CELF2: variants seen among roughly 807,000 people sequenced by gnomAD.
CELF2 encodes CUGBP Elav-like family member 2.
In CELF2, 8 loss-of-function variants were observed where a neutral mutation model predicts 62.6. The observed-to-expected ratio is 0.13, with a 90% CI of 0.07 to 0.23. CELF2 has a LOEUF of 0.23. Among genes scored for constraint, CELF2 ranks in the 10% least tolerant of loss-of-function variants. CELF2 has a pLI of 1.00. For missense variants in CELF2, 333 were observed against 671.0 expected, an observed-to-expected ratio of 0.50 and a Z score of 5.56; for synonymous variants, 258 against 250.0, an observed-to-expected ratio of 1.03 and a Z score of -0.30.
chr10:10,912,072 A>G (rs1422243018), intron 1 of CELF2, among the ~76,000 whole-genome samples: 2 of 152,238 alleles, frequency 1.3e-5, no homozygotes, highest in Non-Finnish European at 2.9e-5. Flanking sequence ...TTCATACAGC[A>G]GGTACCCCGT....
chr10:10,965,630 A>G (rs1267910157), intron 2 of CELF2, among the ~76,000 whole-genome samples: 1 of 152,164 alleles, frequency 6.6e-6, no homozygotes, highest in Admixed American at 6.5e-5. Context: ...TCCAAATTGT[A>G]TTTGATGATA....
chr10:11,125,254 C>T (rs2058480819), intron 1 of CELF2, among the ~76,000 whole-genome samples: 2 of 152,134 alleles, frequency 1.3e-5, no homozygotes, highest in Admixed American at 6.5e-5. Context: ...GTCTTACACC[C>T]AGGGCTCAGG....
chr10:10,959,101 C>CA (rs1161773511), intron 2 of CELF2, among the ~76,000 whole-genome samples: 4 of 152,078 alleles, frequency 2.6e-5, no homozygotes, highest in South Asian at 4.2e-4. Flanking sequence ...ACTAAAAATA[C>CA]AAAAAAATTA....
chr10:10,924,028 G>C (rs1165938369), intron 2 of CELF2: 1 of 152,032 alleles, frequency 6.6e-6, no homozygotes, highest in Non-Finnish European at 1.5e-5. Flanking sequence ...AACCCCACTT[G>C]TTCAAATGGA....
intron 2 of CELF2, among the ~76,000 whole-genome samples, chr10:10,968,804 T>C (rs1213367342): frequency 3.9e-5 from 6 of 152,160 alleles, no homozygotes; most frequent in Non-Finnish European, 8.8e-5. Context: ...TGGCAAAGAA[T>C]CCATAGACTA....
At chr10:11,249,855 C>G (rs747600160) in intron 4 of CELF2, among the ~76,000 whole-genome samples, 2 of 152,184 alleles carry the variant, frequency 1.3e-5, no homozygotes, top group South Asian at 2.1e-4. Context: ...TGTTCCCTTT[C>G]AGCGAACCTT....
At chr10:10,866,082 G>T (rs529597075) in intron 1 of CELF2, among the ~76,000 whole-genome samples, 1 of 152,184 alleles carries the variant, frequency 6.6e-6, no homozygotes, top group South Asian at 2.1e-4. Context: ...AGGAAGAGCC[G>T]CGGCCTGTCT....
In CELF2 at chr10:11,296,488, T is replaced by C. The variant is rs958243239; in HGVS notation, c.976+7936T>C. Among the ~76,000 whole-genome samples the C allele has an allele frequency of 2.6e-5, 4 of 152,202 alleles. No homozygotes were observed. The highest frequency in any genetic ancestry group is 9.7e-5 in the African/African-American group (4 of 41,440). ...TCACCACTAGCACTGGTGAAAAGCA[T>C]GTGTTGCTTAATTGTGTTATATTAG... On this transcript the variant is annotated intron_variant, in intron 9 of 12. Transcript: ENST00000633077. This position sits in a 1 kb window ranked among gnomAD's most constrained non-coding sequence, Gnocchi z 5.0.
chr10:10,954,832 G>GT (rs1289805873), intron 2 of CELF2, among the ~76,000 whole-genome samples: 3 of 152,090 alleles, frequency 2.0e-5, no homozygotes, highest in African/African-American at 7.2e-5. Context: ...ATATGATTGA[G>GT]TTTTTTTAAA....
At chr10:11,256,120 C>G (rs1029555488) in intron 4 of CELF2, among the ~76,000 whole-genome samples, 11 of 152,248 alleles carry the variant, frequency 7.2e-5, no homozygotes, top group Admixed American at 5.2e-4. Context: ...GCTGTCTCCT[C>G]TAGGCCCTTC....
At chr10:11,124,333 T>A (rs578001056) in intron 1 of CELF2, among the ~76,000 whole-genome samples, 2 of 152,280 alleles carry the variant, frequency 1.3e-5, no homozygotes, top group South Asian at 4.1e-4. Context: ...GACCTTCCTA[T>A]GAAATGAGAT....
the CELF2 span, among the ~76,000 whole-genome samples, chr10:10,546,058 A>G: frequency 6.6e-6 from 1 of 152,176 alleles, no homozygotes; most frequent in East Asian, 1.9e-4. Flanking sequence ...GACGCTGACA[A>G]CAATCAGGAA....
intron 2 of CELF2, among the ~76,000 whole-genome samples, chr10:11,000,015 T>C (rs1470691015): frequency 6.6e-6 from 1 of 152,224 alleles, no homozygotes; most frequent in Non-Finnish European, 1.5e-5. Context: ...GCCTAACTTA[T>C]GAATATTCAC....
At chr10:10,967,599 G>A (rs1054178292) in intron 2 of CELF2, among the ~76,000 whole-genome samples, 16 of 152,206 alleles carry the variant, frequency 1.1e-4, no homozygotes, top group African/African-American at 2.9e-4. Context: ...GAAGGTGGGC[G>A]CCAGCCTCCT....
At chr10:11,121,240 T>G (rs1029799256) in intron 1 of CELF2, among the ~76,000 whole-genome samples, 27 of 152,204 alleles carry the variant, frequency 1.8e-4, no homozygotes, top group African/African-American at 6.5e-4. Flanking sequence ...ATACAAAATT[T>G]TAAGACCTAT....
the CELF2 span, among the ~76,000 whole-genome samples, chr10:10,678,187 A>C: frequency 4.6e-5 from 7 of 152,270 alleles, no homozygotes; most frequent in East Asian, 1.3e-3. Context: ...GGATCCACAC[A>C]TCTAGCAAAA....
the CELF2 span, among the ~76,000 whole-genome samples, chr10:10,658,319 C>T: frequency 6.6e-6 from 1 of 152,156 alleles, no homozygotes; most frequent in Non-Finnish European, 1.5e-5. Flanking sequence ...AACTGTTGTG[C>T]AATCACTTCA....
intron 1 of CELF2, among the ~76,000 whole-genome samples, chr10:11,141,609 A>G (rs1005609107): frequency 6.6e-6 from 1 of 152,216 alleles, no homozygotes; most frequent in Non-Finnish European, 1.5e-5. Flanking sequence ...GGGGTGGGGA[A>G]GAATACAAAA....
the CELF2 span, among the ~76,000 whole-genome samples, chr10:10,684,386 G>T: frequency 1.3e-5 from 2 of 152,166 alleles, no homozygotes; most frequent in Non-Finnish European, 1.5e-5. Context: ...AATGACTGTG[G>T]GGGTCAGAAT....
Sources: allele counts gnomAD v4.1 joint callset (sites outside exome capture counted in the v4.1 genomes callset), GRCh38; gene constraint gnomAD v4.1.1; non-coding constraint Gnocchi (gnomAD v3.1); transcripts MANE v1.5; gene names NCBI Gene and HGNC (gene_info 2026-07-23, HGNC 2026-07-21).